CLIC5: variants seen among roughly 807,000 people sequenced by gnomAD.
CLIC5 encodes CLIC family member 5.
CLIC5 carries 20 observed loss-of-function variants against 24.7 expected under a neutral mutation model. The observed-to-expected ratio is 0.81, with a 90% confidence interval of 0.57 to 1.18. The LOEUF (loss-of-function observed/expected upper bound fraction) is 1.18. CLIC5 is among the 50% of genes most tolerant of loss of function. The pLI, the probability that CLIC5 is intolerant of heterozygous loss-of-function variation, is 0.00. For missense variants in CLIC5, 341 were observed against 326.1 expected (o/e 1.05, Z -0.35); for synonymous variants, 159 against 135.6 (o/e 1.17, Z -1.20).
chr6:45,980,566 A>C (rs191122954), intron 1 of CLIC5, among the ~76,000 whole-genome samples: 394 of 152,276 alleles, frequency 2.6e-3, no homozygotes, highest in African/African-American at 8.8e-3. Context: ...AACAAAAATA[A>C]AAGTTGAAAA....
chr6:45,995,483 G>T (rs1051777548), intron 1 of CLIC5, among the ~76,000 whole-genome samples: 2 of 152,210 alleles, frequency 1.3e-5, no homozygotes, highest in East Asian at 3.8e-4. Flanking sequence ...GGCCTCCCAA[G>T]GCTGGCCCAG....
intron 4 of CLIC5, among the ~76,000 whole-genome samples, chr6:45,933,287 G>A (rs1246854040): frequency 1.6e-4 from 25 of 152,228 alleles, no homozygotes; most frequent in Admixed American, 1.6e-3. Flanking sequence ...TGGTAACCAC[G>A]TTTGAGCTTG....
the CLIC5 span, chr6:46,122,839 G>C: frequency 6.6e-6 from 1 of 152,108 alleles, no homozygotes; most frequent in African/African-American, 2.4e-5. Flanking sequence ...AGAAGAAATG[G>C]ATAAACTCCT....
At chr6:46,049,204 A>C (rs1490547828) in intron 1 of CLIC5, among the ~76,000 whole-genome samples, 1 of 152,124 alleles carries the variant, frequency 6.6e-6, no homozygotes, top group Non-Finnish European at 1.5e-5. Context: ...TCTCTTTCAT[A>C]ATCATCTTTG....
At chr6:46,046,774 G>A (rs1028502411) in intron 1 of CLIC5, among the ~76,000 whole-genome samples, 1 of 152,202 alleles carries the variant, frequency 6.6e-6, no homozygotes, top group African/African-American at 2.4e-5. Flanking sequence ...GACATGCACA[G>A]GGGCCAGCGG....
chr6:46,124,981 A>T, the CLIC5 span, among the ~76,000 whole-genome samples: 199 of 152,342 alleles, frequency 1.3e-3, no homozygotes, highest in Non-Finnish European at 2.0e-3. Context: ...TGTTGGTGGG[A>T]CTGTAAACTA....
upstream of CLIC5, among the ~76,000 whole-genome samples, chr6:46,085,030 T>C (rs569514970): frequency 1.6e-4 from 25 of 152,358 alleles, no homozygotes; most frequent in African/African-American, 5.8e-4. Context: ...CATTTCATCT[T>C]CCATCACTGA....
At position 45,918,764 on chromosome 6, in the gene CLIC5, T is replaced by C. The variant is rs561326059; in HGVS notation, c.407-4355A>G. Among the ~76,000 whole-genome samples the C allele has an allele frequency of 1.2e-3, 181 of 152,376 alleles. 1 individual carries two copies. Among genetic ancestry groups the C allele is most frequent in the African/African-American group, 4.2e-3 (176 of 41,588 alleles). ...ACCCTCTGCCCTATCTTGTTCCTTT[T>C]ATTGCCCTAGTCCCATACCTTAGCA... On this transcript the variant is annotated intron_variant, in intron 4 of 5. Transcript: ENST00000339561.
rs552563995 is a variant in CLIC5 at position 45,898,519 on chromosome 6, A to T, written c.*4569T>A. On this transcript the variant is annotated 3_prime_UTR_variant, in exon 6 of 6. Transcript: ENST00000339561. ...AATACCAATCAAGACTGGAACACAA[A>T]TTGGTAATTGGTTCAGATTCATGAG... 6 of 152,694 alleles carry T rather than the reference A, an allele frequency of 3.9e-5. No homozygotes were observed. The South Asian group carries it at 1.0e-3, about 26-fold the overall frequency. 9.5% of individuals were successfully genotyped at this position (152,694 alleles called of 1,614,324 possible).
intron 4 of CLIC5, among the ~76,000 whole-genome samples, chr6:45,923,992 C>T (rs1763376731): frequency 6.6e-6 from 1 of 152,114 alleles, no homozygotes; most frequent in Non-Finnish European, 1.5e-5. Flanking sequence ...TGAGTCATCA[C>T]CTGCAGAGGG....
chr6:45,937,411 G>A (rs1317221784), intron 4 of CLIC5: 3 of 152,182 alleles, frequency 2.0e-5, no homozygotes, highest in Non-Finnish European at 1.5e-5. Flanking sequence ...TTACCTTATT[G>A]CCAGATAAAG....
intron 1 of CLIC5, among the ~76,000 whole-genome samples, chr6:45,974,520 TATAGAGAG>T (rs1276568131): frequency 0.018 from 1,199 of 66,774 alleles, 6 homozygotes; most frequent in African/African-American, 0.044. Flanking sequence ...TATATATATA[TATAGAGAG>T]AGAGAGAGAG....
At chr6:45,999,559 G>A (rs1766272734) in intron 1 of CLIC5, among the ~76,000 whole-genome samples, 1 of 151,926 alleles carries the variant, frequency 6.6e-6, no homozygotes, top group African/African-American at 2.4e-5. Flanking sequence ...CTTATACATG[G>A]ATAAGTATAA....
chr6:45,928,813 G>T (rs1345814712), intron 4 of CLIC5, among the ~76,000 whole-genome samples: 1 of 151,746 alleles, frequency 6.6e-6, no homozygotes, highest in Non-Finnish European at 1.5e-5. Context: ...GAGAGATTGA[G>T]AAACGTATTT....
chr6:45,903,863 A>G (rs542998688), intron 5 of CLIC5, among the ~76,000 whole-genome samples: 55 of 152,158 alleles, frequency 3.6e-4, no homozygotes, highest in Non-Finnish European at 6.9e-4. Context: ...TGTTTTACAC[A>G]GGCCAGTTTT....
upstream of CLIC5, among the ~76,000 whole-genome samples, chr6:46,016,932 AT>A (rs1231692253): frequency 6.6e-6 from 1 of 152,160 alleles, no homozygotes; most frequent in African/African-American, 2.4e-5. Context: ...ACACTTACTT[AT>A]TCATTCTTCT....
chr6:46,095,439 T>C, the CLIC5 span, among the ~76,000 whole-genome samples: 3 of 152,186 alleles, frequency 2.0e-5, no homozygotes, highest in African/African-American at 4.8e-5. Context: ...CTCATGTATA[T>C]GAACATAAGT....
intron 2 of CLIC5, among the ~76,000 whole-genome samples, chr6:45,951,105 G>A (rs997961055): frequency 2.6e-5 from 4 of 152,124 alleles, no homozygotes; most frequent in African/African-American, 9.7e-5. Flanking sequence ...GATCTTTTAG[G>A]TAACACATAC....
At chr6:45,950,537 C>G (rs1764436815) in intron 2 of CLIC5, among the ~76,000 whole-genome samples, 1 of 152,172 alleles carries the variant, frequency 6.6e-6, no homozygotes, top group African/African-American at 2.4e-5. Context: ...CACCACTGCC[C>G]TCCAGTCTGG....
Sources: allele counts gnomAD v4.1 joint callset (sites outside exome capture counted in the v4.1 genomes callset), GRCh38; gene constraint gnomAD v4.1.1; transcripts MANE v1.5; gene names NCBI Gene and HGNC (gene_info 2026-07-23, HGNC 2026-07-21).